SH3TC1: variants seen among roughly 807,000 people sequenced by gnomAD.
SH3TC1 encodes SH3 domain and tetratricopeptide repeat-containing protein 1.
A neutral mutation model predicts 117.3 loss-of-function variants in SH3TC1; 135 were observed. The observed-to-expected ratio is 1.15, with a 90% CI of 1.00 to 1.33. SH3TC1 has a LOEUF of 1.33. SH3TC1 is among the 40% of genes most tolerant of loss of function. SH3TC1 has a pLI of 0.00. For synonymous variants in SH3TC1, 898 were observed against 816.9 expected (o/e 1.10, Z -1.69); for missense variants, 2,092 against 1,794.3 (o/e 1.17, Z -3.00).
At chr4:8,236,529 G>C in intron 16 of SH3TC1, 101 bp downstream of exon 16, 1 of 1,395,792 alleles carries the variant, frequency 7.2e-7, no homozygotes, top group Non-Finnish European at 9.4e-7. Context: ...GGATTTTCCT[G>C]GTCTCCTGTC....
rs1179261169 is a variant in SH3TC1, at chr4:8,228,214, G to A, written c.2520G>A (p.Gln840=). 2.4e-5 allele frequency: 39 copies of A among 1,608,906 alleles called. No individual in the cohort carries two copies. The highest frequency in any genetic ancestry group is 3.2e-5 in the Non-Finnish European group (38 of 1,177,292). Residue 840 remains glutamine, a synonymous_variant, in exon 12 of 18, where the codon CAG becomes CAA. Coordinates refer to ENST00000245105, the MANE Select transcript of SH3TC1 (RefSeq NM_018986.5). ...ALAWLHVLHG[Q]SPVALDILQS... ...CCTGGCTGCACGTGCTTCATGGGCA[G>A]AGCCCGGTGGCCCTGGACATCCTGC...
chr4:8,188,060 C>T (rs1408316750), intron 1 of SH3TC1, among the ~76,000 whole-genome samples: 3 of 152,234 alleles, frequency 2.0e-5, no homozygotes, highest in Admixed American at 1.3e-4. Flanking sequence ...CGACAAGACA[C>T]TCCACGCCCA....
At chr4:8,224,136 A>G (rs1364837862) in intron 10 of SH3TC1, among the ~76,000 whole-genome samples, 3 of 152,138 alleles carry the variant, frequency 2.0e-5, no homozygotes, top group Admixed American at 6.5e-5. Flanking sequence ...CACCTTCCTC[A>G]CAAGGTGTAC....
At position 8,183,749 on chromosome 4, in the gene SH3TC1, C is replaced by T. The variant is rs1019635307; in HGVS notation, c.-57+1539C>T. 6.6e-6 allele frequency among the ~76,000 whole-genome samples: 1 copy of T among 152,142 alleles called. No individual in the cohort carries two copies. Among genetic ancestry groups the T allele is most frequent in the Admixed American group, 6.5e-5 (1 of 15,272 alleles). ...TGGTACATTTGTCATAACTAATGAG[C>T]CAATACCACCAATGCCTGATTACCA... On this transcript the variant is annotated intron_variant, in intron 1 of 16. Transcript: ENST00000508641. This position sits in a 1 kb window ranked among gnomAD's most constrained non-coding sequence, Gnocchi z 5.4.
rs1416817466 is a variant in SH3TC1 at position 8,209,349 on chromosome 4, G to A, written c.173-399G>A. On this transcript the variant is annotated intron_variant, in intron 2 of 17. Transcript: ENST00000245105. The surrounding 1 kb of genome is among the most constrained non-coding windows in gnomAD (Gnocchi z 5.9). ...GAAAAGGAGATGCAGTGACAAAGCGGAAGTAGAAGTGGCGGCCACAAGCCG... is the reference window on the plus strand; with the variant it reads ...GAAAAGGAGATGCAGTGACAAAGCGAAAGTAGAAGTGGCGGCCACAAGCCG... Among the ~76,000 whole-genome samples, 1 of 152,316 alleles carries A rather than the reference G, an allele frequency of 6.6e-6. No homozygotes were observed. The highest frequency in any genetic ancestry group is 1.9e-4 in the East Asian group (1 of 5,178).
chr4:8,233,484 C>T lies in SH3TC1; in HGVS notation c.3253C>T (p.Gln1085Ter). The change falls in exon 14 of 18, where the codon CAG becomes TAG. Residue 1085 changes from glutamine to a stop codon, truncating the protein, a stop_gained. Transcript: ENST00000245105. LOFTEE classifies it high-confidence loss of function. Reference protein sequence around the residue: ...QAGKIYYILRQSELVDLYIQV... With the variant: ...QAGKIYYILR Reference sequence around the variant, plus strand: ...AGGGAAGATCTATTACATCTTGCGGCAGAGCGAGCTGGTGGACCTCTACAT... The same window carrying T: ...AGGGAAGATCTATTACATCTTGCGGTAGAGCGAGCTGGTGGACCTCTACAT... 1.2e-6 allele frequency: 2 copies of T among 1,612,908 alleles called. No homozygotes were observed. The highest frequency in any genetic ancestry group is 1.3e-5 in the African/African-American group (1 of 75,030).
rs757132039 is a variant in SH3TC1, at chr4:8,225,167, C to T, written c.1244-8C>T. 3.7e-6 allele frequency: 6 copies of T among 1,613,684 alleles called. No individual in the cohort carries two copies. The highest frequency in any genetic ancestry group is 5.1e-6 in the Non-Finnish European group (6 of 1,179,936). ...GGTGTTGATTGCTTCTCTTTTCTCC[C>T]TTGCCAGACTCAGTAGAGGAAGCTG... On this transcript the variant is annotated splice_polypyrimidine_tract_variant and splice_region_variant and intron_variant, in intron 10 of 17. Transcript: ENST00000245105. This position sits in a 1 kb window ranked among gnomAD's most constrained non-coding sequence, Gnocchi z 5.5.
chr4:8,217,225 C>T (rs754396464), intron 7 of SH3TC1, 58 bp downstream of exon 7: 237 of 1,544,772 alleles, frequency 1.5e-4, no homozygotes, highest in Non-Finnish European at 2.0e-4. Context: ...CTCCCAGGCC[C>T]GGGTCATCTG....
At chr4:8,207,832 C>G (rs757788653) in intron 2 of SH3TC1, among the ~76,000 whole-genome samples, 10 of 152,158 alleles carry the variant, frequency 6.6e-5, no homozygotes, top group Non-Finnish European at 1.0e-4. Flanking sequence ...TCCACAGCCC[C>G]GTGTTTCCAG....
chr4:8,232,078 G>A lies in SH3TC1; in HGVS notation c.3053G>A (p.Cys1018Tyr), dbSNP rs1721275185. The change falls in exon 13 of 18, where the codon TGC (cysteine) becomes TAC (tyrosine). Residue 1018 changes from cysteine to tyrosine, a missense_variant. Coordinates refer to ENST00000245105, the MANE Select transcript of SH3TC1 (RefSeq NM_018986.5). ...CATGAGCTCCAGCTCTCCCTGGCCT[G>A]CAAGGTGGCCGACAAGGTGCTGGAG... Reference protein sequence around the residue: ...IYHELQLSLACKVADKVLEGQ... With the variant: ...IYHELQLSLAYKVADKVLEGQ... 2 of 1,613,390 alleles carry A rather than the reference G, an allele frequency of 1.2e-6. No homozygotes were observed. The highest frequency in any genetic ancestry group is 2.7e-5 in the African/African-American group (2 of 75,006).
At position 8,237,605 on chromosome 4, in the gene SH3TC1, G is replaced by C; in HGVS notation, c.3688G>C (p.Glu1230Gln). Residue 1230 changes from glutamate to glutamine, a missense_variant, in exon 17 of 18, where the codon GAG (glutamate) becomes CAG (glutamine). Physicochemically the swap from Glu to Gln is conservative, Grantham distance 29. Transcript: ENST00000245105. ...SLCNSPLEFDEETLYYVKVYL... is the reference protein window; with the variant it reads ...SLCNSPLEFDQETLYYVKVYL... ...CTGCAACTCGCCGCTGGAGTTTGAC[G>C]AGGAGACCCTCTACTACGTGAAGGT... The C allele has an allele frequency of 1.2e-6, 2 of 1,612,608 alleles. No homozygotes were observed. The highest frequency in any genetic ancestry group is 1.1e-5 in the South Asian group (1 of 90,888).
intron 12 of SH3TC1, chr4:8,229,021 C>G: frequency 4.5e-6 from 1 of 220,512 alleles, no homozygotes; most frequent in African/African-American, 2.3e-5. Flanking sequence ...CCCTGAACGC[C>G]GGTGCTTGTG....
chr4:8,206,445 G>A lies in SH3TC1; in HGVS notation c.172+1079G>A, dbSNP rs971358608. Among the ~76,000 whole-genome samples, 3 of 152,114 alleles carry A rather than the reference G, an allele frequency of 2.0e-5. No individual in the cohort carries two copies. The highest frequency in any genetic ancestry group is 7.2e-5 in the African/African-American group (3 of 41,428). ...ACAAGGAGACTGAGACGCGCAGGAG[G>A]GCCCTGGCCAGCCTCCCACAGAGCC... On this transcript the variant is annotated intron_variant, in intron 2 of 17. Coordinates refer to ENST00000245105, the MANE Select transcript of SH3TC1 (RefSeq NM_018986.5). The surrounding 1 kb of genome is among the most constrained non-coding windows in gnomAD (Gnocchi z 5.5).
intron 17 of SH3TC1, among the ~76,000 whole-genome samples, chr4:8,240,464 C>T (rs1341915969): frequency 6.6e-6 from 1 of 152,186 alleles, no homozygotes. Flanking sequence ...GAGGGTGGGG[C>T]TGGGACAGGA....
Position 8,222,840 on chromosome 4 carries a change from G to A in SH3TC1, c.1113G>A (p.Glu371=), listed in dbSNP as rs763882300. The A allele has an allele frequency of 8.1e-6, 13 of 1,609,692 alleles. No homozygotes were observed. The highest frequency in any genetic ancestry group is 1.1e-5 in the Non-Finnish European group (13 of 1,176,412). ...GAATAAAGCACTTTATTTTTTCCAG[G>A]TTGGAAAGTGCGATTTTTCTCAATG... The part of the protein sequence containing the change: ...SLISMQGPVS[E]LESAIFLNEE... Residue 371 remains glutamate (E), a splice_region_variant and synonymous_variant, in exon 10 of 18, where the codon GAG becomes GAA. Transcript: ENST00000245105.
At chr4:8,236,208 T>C in intron 15 of SH3TC1, 70 bp from the exon 16 acceptor site, 1 of 1,464,298 alleles carries the variant, frequency 6.8e-7, no homozygotes, top group East Asian at 2.6e-5. Flanking sequence ...AGCACATGTT[T>C]GAGCTCTGAG....
At chr4:8,207,077 CA>C (rs34956323) in intron 2 of SH3TC1, among the ~76,000 whole-genome samples, 5,064 of 138,536 alleles carry the variant, frequency 0.037, 152 homozygotes, top group East Asian at 0.094. Flanking sequence ...TCCTTTATAG[CA>C]AAAAAAAAAA....
chr4:8,239,199 G>A (rs1161908211), intron 17 of SH3TC1, among the ~76,000 whole-genome samples: 1 of 149,798 alleles, frequency 6.7e-6, no homozygotes, highest in East Asian at 1.9e-4. Flanking sequence ...ACTAGCTGCT[G>A]CACGCACTAC....
Position 8,227,898 on chromosome 4 carries a change from T to C in SH3TC1, c.2204T>C (p.Leu735Ser), listed in dbSNP as rs1720679271. 1 of 1,612,760 alleles carries C rather than the reference T, an allele frequency of 6.2e-7. No individual in the cohort carries two copies. The highest frequency in any genetic ancestry group is 8.5e-7 in the Non-Finnish European group (1 of 1,179,944). The change falls in exon 12 of 18, where the codon TTG (leucine) becomes TCG (serine). Residue 735 changes from leucine (L) to serine (S), a missense_variant. By Grantham distance (145) the Leu-to-Ser change is moderately radical. Coordinates refer to ENST00000245105, the MANE Select transcript of SH3TC1 (RefSeq NM_018986.5). ...CTGAGCTGTGTCAAGGTGGCCTCATTGCGGACACGGGGCTCGCTGGCCGGC... is the reference window on the plus strand; with the variant it reads ...CTGAGCTGTGTCAAGGTGGCCTCATCGCGGACACGGGGCTCGCTGGCCGGC... ...LVLSCVKVASLRTRGSLAGSL... is the reference protein window; with the variant it reads ...LVLSCVKVASSRTRGSLAGSL...
Sources: allele counts gnomAD v4.1 joint callset (sites outside exome capture counted in the v4.1 genomes callset), GRCh38; gene constraint gnomAD v4.1.1; non-coding constraint Gnocchi (gnomAD v3.1); transcripts MANE v1.5; gene names NCBI Gene and HGNC (gene_info 2026-07-23, HGNC 2026-07-21).